Variants in DCTN3 observed in about 807,000 individuals in gnomAD.
DCTN3 encodes the protein dynactin subunit 3.
In DCTN3, 25 loss-of-function variants were observed where a neutral mutation model predicts 28.4. The observed-to-expected ratio is 0.88, with a 90% CI of 0.64 to 1.23. The LOEUF (loss-of-function observed/expected upper bound fraction) is 1.23, where lower values mean the gene tolerates loss of function less well. DCTN3 is among the 50% of genes most tolerant of loss of function. The probability of loss-of-function intolerance (pLI) is 0.00; values close to 1 mark genes in which losing one functional copy is unlikely to be tolerated. For missense variants in DCTN3, 229 were observed against 232.0 expected (o/e 0.99, Z 0.08); for synonymous variants, 81 against 91.4 (o/e 0.89, Z 0.65).
chr9:34,618,821 T>C, intron 1 of DCTN3, 61 bp from the exon 2 acceptor site: 1 of 1,318,546 alleles, frequency 7.6e-7, no homozygotes, highest in Non-Finnish European at 1.1e-6. Context: ...TTGGAAAAGT[T>C]AAAGAACCCT....
Position 34,618,795 on chromosome 9 carries a change from C to T in DCTN3, c.97-35G>A, listed in dbSNP as rs367651208. On this transcript the variant is annotated intron_variant, in intron 1 of 6. Coordinates refer to ENST00000259632, the MANE Select transcript of DCTN3 (RefSeq NM_007234.5). ...AAGTGGTGGTTAATTCCAAGATATACTACCTGGCTCAAGGCTTGGAAAAGT... is the reference window on the plus strand; with the variant it reads ...AAGTGGTGGTTAATTCCAAGATATATTACCTGGCTCAAGGCTTGGAAAAGT... 2.1e-5 allele frequency: 32 copies of T among 1,532,970 alleles called. No individual in the cohort carries two copies. The African/African-American group carries it at 4.0e-4, about 19-fold the overall frequency. 95.0% of individuals were successfully genotyped at this position (1,532,970 alleles called of 1,614,324 possible).
In DCTN3 at chr9:34,616,044, C is replaced by A; in HGVS notation, c.338G>T (p.Ser113Ile). The A allele has an allele frequency of 6.2e-7, 1 of 1,614,072 alleles. No homozygotes were observed. The highest frequency in any genetic ancestry group is 8.5e-7 in the Non-Finnish European group (1 of 1,179,960). Residue 113 changes from serine (S) to isoleucine (I), a missense_variant, in exon 4 of 7, where the codon AGT becomes ATT. Physicochemically the swap from Ser to Ile is moderately radical, Grantham distance 142. Coordinates refer to ENST00000259632, the MANE Select transcript of DCTN3 (RefSeq NM_007234.5). This position sits in a 1 kb window ranked among gnomAD's most constrained non-coding sequence, Gnocchi z 4.7. ...CAGAGAGATACCTTTGATGTGAGCACTGTCCAGCATGGGCACCAAGGCATT... is the reference window on the plus strand; with the variant it reads ...CAGAGAGATACCTTTGATGTGAGCAATGTCCAGCATGGGCACCAAGGCATT... ...QVNALVPMLD[S>I]AHIKAVPEHA...
chr9:34,618,750 C>A lies in DCTN3; in HGVS notation c.107G>T (p.Gly36Val), dbSNP rs1484126548. The part of the protein sequence containing the change: ...GARGSRKVAD[G>V]LVKVQVALGN... ...CAAAGCCACCTGCACCTTGACCAGGCCGTCAGCCACCTGTAAGGGAAGTGG... is the reference window on the plus strand; with the variant it reads ...CAAAGCCACCTGCACCTTGACCAGGACGTCAGCCACCTGTAAGGGAAGTGG... The change falls in exon 2 of 7, where the codon GGC (glycine) becomes GTC (valine). Residue 36 changes from glycine to valine, a missense_variant. Physicochemically the swap from Gly to Val is moderately radical, Grantham distance 109 (BLOSUM62 -3). Transcript: ENST00000259632. The A allele has an allele frequency of 6.2e-7, 1 of 1,614,088 alleles. No homozygotes were observed. Among genetic ancestry groups the A allele is most frequent in the Non-Finnish European group, 8.5e-7 (1 of 1,179,918 alleles).
In DCTN3 at chr9:34,620,479, C is replaced by G. The variant is rs1238924692; in HGVS notation, c.-15G>C. On this transcript the variant is annotated 5_prime_UTR_variant, in exon 1 of 7. Coordinates refer to ENST00000259632, the MANE Select transcript of DCTN3 (RefSeq NM_007234.5). ...AGACCCGCCATCGCTACTACCGACC[C>G]ACCTCGGCCAGGAAACAGCCAGAGG... is the stretch of plus-strand genomic sequence containing the variant. 2 of 1,547,784 alleles carry G rather than the reference C, an allele frequency of 1.3e-6. No homozygotes were observed. Among genetic ancestry groups the G allele is most frequent in the South Asian group, 2.4e-5 (2 of 84,108 alleles).
intron 4 of DCTN3, 93 bp downstream of exon 4, chr9:34,615,937 G>T: frequency 1.1e-6 from 1 of 891,858 alleles, no homozygotes; most frequent in Non-Finnish European, 1.7e-6. Context: ...GACCCAACCC[G>T]AATCCACACA....
At position 34,617,933 on chromosome 9, in the gene DCTN3, C is replaced by G. The variant is rs1020680836; in HGVS notation, c.220G>C (p.Asp74His). The part of the protein sequence containing the change: ...LIKYLDPEYI[D>H]RIAIPDASKL... Reference sequence around the variant, plus strand: ...GAGGCATCAGGTATGGCAATGCGGTCGATGTACTCAGGATCCAGGTACTTG... The same window carrying G: ...GAGGCATCAGGTATGGCAATGCGGTGGATGTACTCAGGATCCAGGTACTTG... The change falls in exon 3 of 7, where the codon GAC becomes CAC. Residue 74 changes from aspartate (D) to histidine (H), a missense_variant. By Grantham distance (81) the Asp-to-His change is moderately conservative. Coordinates refer to ENST00000259632, the MANE Select transcript of DCTN3 (RefSeq NM_007234.5). 6.2e-7 allele frequency: 1 copy of G among 1,613,692 alleles called. No individual in the cohort carries two copies. The highest frequency in any genetic ancestry group is 1.7e-5 in the Admixed American group (1 of 59,998).
rs1468520755 is a variant in DCTN3 at position 34,620,457 on chromosome 9, C to A, written c.8G>T (p.Gly3Val). The A allele has an allele frequency of 1.9e-6, 3 of 1,551,134 alleles. No individual in the cohort carries two copies. The highest frequency in any genetic ancestry group is 1.2e-5 in the South Asian group (1 of 84,356). The change falls in exon 1 of 7, where the codon GGT (glycine) becomes GTT (valine). Residue 3 changes from glycine (G) to valine (V), a missense_variant. By Grantham distance (109) the Gly-to-Val change is moderately radical. Transcript: ENST00000259632. MA[G>V]LTDLQRLQAR... ...CTGTAGCCGCTGCAAGTCAGTCAGACCCGCCATCGCTACTACCGACCCACC... is the reference window on the plus strand; with the variant it reads ...CTGTAGCCGCTGCAAGTCAGTCAGAACCGCCATCGCTACTACCGACCCACC...
At chr9:34,618,169 T>C (rs1820467278) in intron 2 of DCTN3, among the ~76,000 whole-genome samples, 198 bp from the exon 3 acceptor site, 1 of 152,138 alleles carries the variant, frequency 6.6e-6, no homozygotes, top group African/African-American at 2.4e-5. Flanking sequence ...TTGAAGTCTC[T>C]TCTGACATCA....
At position 34,614,861 on chromosome 9, in the gene DCTN3, T is replaced by A. The variant is rs116919410; in HGVS notation, c.353-93A>T. Reference sequence around the variant, plus strand: ...TAGGTCTTTGGCAGGATTAGAGTATTGAGTGGAGAAGCTAAACAAACGCCA... The same window carrying A: ...TAGGTCTTTGGCAGGATTAGAGTATAGAGTGGAGAAGCTAAACAAACGCCA... On this transcript the variant is annotated intron_variant, in intron 4 of 6. Transcript: ENST00000259632. The A allele has an allele frequency of 8.6e-4, 1,295 of 1,498,776 alleles. 29 individuals are homozygous for A. The East Asian group carries it at 0.026, about 30-fold the overall frequency. The allele number at this position is 1,498,776 out of a possible 1,614,324, so 92.8% of individuals were successfully genotyped here.
chr9:34,617,654 T>C, intron 3 of DCTN3: 1 of 1,457,224 alleles, frequency 6.9e-7, no homozygotes. Flanking sequence ...AACACTGGAC[T>C]AGCTCCCACT....
intron 5 of DCTN3, 152 bp from the exon 6 acceptor site, chr9:34,614,253 A>C (rs2132298409): frequency 1.3e-6 from 2 of 1,543,004 alleles, no homozygotes; most frequent in South Asian, 1.2e-5. Context: ...CTATGGGAGC[A>C]CTTTCAGGCT....
At chr9:34,614,205 A>G (rs756721159) in intron 5 of DCTN3, 104 bp from the exon 6 acceptor site, 5 of 1,604,570 alleles carry the variant, frequency 3.1e-6, no homozygotes, top group Non-Finnish European at 4.3e-6. Flanking sequence ...GAGCCTAAAA[A>G]AGATGACGCT....
intron 2 of DCTN3, among the ~76,000 whole-genome samples, chr9:34,618,468 G>T (rs1200131776): frequency 1.3e-5 from 2 of 152,138 alleles, no homozygotes; most frequent in Non-Finnish European, 2.9e-5. Flanking sequence ...CATAACTTAG[G>T]ACACTGTCAT....
rs759794001 is a variant in DCTN3, at chr9:34,618,690, A to G, written c.167T>C (p.Ile56Thr). ...GAAGCACTTACTCTTTTTGTAGAGAATCTTCACCCTCTCCCTCTTGCTGGA... is the reference window on the plus strand; with the variant it reads ...GAAGCACTTACTCTTTTTGTAGAGAGTCTTCACCCTCTCCCTCTTGCTGGA... ...NISSKRERVK[I>T]LYKKIEDLIK... The change falls in exon 2 of 7, where the codon ATT becomes ACT. Residue 56 changes from isoleucine to threonine, a missense_variant. Transcript: ENST00000259632. 13 of 1,613,970 alleles carry G rather than the reference A, an allele frequency of 8.1e-6. No individual in the cohort carries two copies. Among genetic ancestry groups the G allele is most frequent in the Middle Eastern group, 1.6e-4 (1 of 6,074 alleles).
At chr9:34,614,928 C>CA in intron 4 of DCTN3, 160 bp from the exon 5 acceptor site, 9 of 755,002 alleles carry the variant, frequency 1.2e-5, no homozygotes, top group Non-Finnish European at 2.0e-5. Flanking sequence ...AGTGGGGCTC[C>CA]CTGCCCACTC....
intron 5 of DCTN3, chr9:34,614,475 C>A: frequency 1.6e-6 from 1 of 622,212 alleles, no homozygotes; most frequent in South Asian, 2.1e-5. Context: ...GGGTACCTCC[C>A]AGCCTCAACC....
intron 1 of DCTN3, among the ~76,000 whole-genome samples, chr9:34,619,434 A>G (rs564208132): frequency 1.3e-5 from 2 of 152,172 alleles, no homozygotes; most frequent in Non-Finnish European, 2.9e-5. Context: ...GAGCCTACCT[A>G]AAGTTTAGGG....
At position 34,616,181 on chromosome 9, in the gene DCTN3, G is replaced by A; in HGVS notation, c.269-68C>T. ...GGGCATTGCTAATCAGCCCATGTAA[G>A]GGCCTGAGGACCTGGCAAGGGAGAT... is the stretch of plus-strand genomic sequence containing the variant. On this transcript the variant is annotated intron_variant, in intron 3 of 6. Coordinates refer to ENST00000259632, the MANE Select transcript of DCTN3 (RefSeq NM_007234.5). This position sits in a 1 kb window ranked among gnomAD's most constrained non-coding sequence, Gnocchi z 4.7. 6.3e-6 allele frequency: 8 copies of A among 1,266,602 alleles called. No homozygotes were observed. Among genetic ancestry groups the A allele is most frequent in the Non-Finnish European group, 9.1e-6 (8 of 874,480 alleles). The allele number at this position is 1,266,602 out of a possible 1,614,324, so 78.5% of individuals were successfully genotyped here.
At position 34,616,362 on chromosome 9, in the gene DCTN3, G is replaced by A. The variant is rs1820424830; in HGVS notation, c.269-249C>T. ...TTCTCCAAATCCCACCTTTCTCCAAGGTTTAACTTCAAGACCTCTTCTTCT... is the reference window on the plus strand; with the variant it reads ...TTCTCCAAATCCCACCTTTCTCCAAAGTTTAACTTCAAGACCTCTTCTTCT... On this transcript the variant is annotated intron_variant, in intron 3 of 6. Coordinates refer to ENST00000259632, the MANE Select transcript of DCTN3 (RefSeq NM_007234.5). The surrounding 1 kb of genome is among the most constrained non-coding windows in gnomAD (Gnocchi z 4.7). 2 of 366,598 alleles carry A rather than the reference G, an allele frequency of 5.5e-6. No individual in the cohort carries two copies. The highest frequency in any genetic ancestry group is 4.2e-5 in the African/African-American group (2 of 47,662). The allele number at this position is 366,598 out of a possible 1,614,324, so 22.7% of individuals were successfully genotyped here. A position where few individuals can be genotyped will look rare whatever the true frequency, so the allele number is the denominator to read the frequency against.
Sources: gnomAD v4.1 joint callset for allele counts (sites outside exome capture counted in the v4.1 genomes callset) on GRCh38, gnomAD v4.1.1 for gene constraint, Gnocchi (gnomAD v3.1) non-coding constraint, MANE v1.5 for transcripts, NCBI Gene and HGNC (gene_info 2026-07-23, HGNC 2026-07-21) for gene names.